CTNNA3: variants seen among roughly 807,000 people sequenced by gnomAD.
The protein encoded by CTNNA3 is catenin alpha-3.
CTNNA3 carries 76 observed loss-of-function variants against 95.7 expected under a neutral mutation model. The observed-to-expected ratio is 0.79, with a 90% CI of 0.66 to 0.96. The LOEUF is 0.96. CTNNA3 is among the 40% of genes least tolerant of loss of function. The pLI is 0.00. For synonymous variants in CTNNA3, 431 were observed against 374.4 expected, an observed-to-expected ratio of 1.15 and a Z score of -1.74; for missense variants, 1,191 against 1,089.8, an observed-to-expected ratio of 1.09 and a Z score of -1.31.
chr10:66,424,639 T>C (rs1226325037), intron 11 of CTNNA3, among the ~76,000 whole-genome samples: 2 of 152,154 alleles, frequency 1.3e-5, no homozygotes, highest in Non-Finnish European at 2.9e-5. Context: ...TGTGTTGAGA[T>C]AATGTAGTTT....
At chr10:67,272,261 G>T (rs1327875650) in intron 5 of CTNNA3, among the ~76,000 whole-genome samples, 3 of 152,084 alleles carry the variant, frequency 2.0e-5, no homozygotes, top group African/African-American at 7.2e-5. Flanking sequence ...TTTTTTAAAT[G>T]TCCATTAAGG....
chr10:65,988,237 C>T (rs2078468072), intron 16 of CTNNA3, among the ~76,000 whole-genome samples: 1 of 151,762 alleles, frequency 6.6e-6, no homozygotes, highest in Admixed American at 6.6e-5. Flanking sequence ...ATGCTCATTA[C>T]CTAATTTGAT....
At chr10:65,933,288 T>C (rs1670150) in intron 17 of CTNNA3, among the ~76,000 whole-genome samples, 23,008 of 152,168 alleles carry the variant, frequency 0.15, 2,167 homozygotes, top group South Asian at 0.23. Context: ...ATAGTAATAA[T>C]AATAGTTCAA....
At chr10:66,921,239 T>G (rs1846769836) in intron 7 of CTNNA3, among the ~76,000 whole-genome samples, 1 of 152,128 alleles carries the variant, frequency 6.6e-6, no homozygotes, top group South Asian at 2.1e-4. Flanking sequence ...CCCACTGATC[T>G]GTCATGAGGG....
intron 1 of CTNNA3, among the ~76,000 whole-genome samples, chr10:67,724,039 T>TTTTGAGTAGCCTCAAACAGG (rs1841194612): frequency 6.6e-6 from 1 of 152,100 alleles, no homozygotes; most frequent in Non-Finnish European, 1.5e-5. Context: ...CTCAAACAGT[T>TTTTGAGTAGCCTCAAACAGG]CTGAGTAGCA....
chr10:66,109,983 T>C (rs1176408898), intron 13 of CTNNA3, among the ~76,000 whole-genome samples: 4 of 152,250 alleles, frequency 2.6e-5, no homozygotes, highest in African/African-American at 9.6e-5. Context: ...TTTACAACAG[T>C]ATATATTAAC....
At chr10:67,393,086 T>G (rs572659285) in intron 5 of CTNNA3, among the ~76,000 whole-genome samples, 12 of 151,364 alleles carry the variant, frequency 7.9e-5, no homozygotes, top group Non-Finnish European at 1.3e-4. Context: ...AAAATAAAAA[T>G]AAAAAGAATG....
At chr10:67,690,100 T>C (rs1013718077) in intron 1 of CTNNA3, among the ~76,000 whole-genome samples, 3 of 152,146 alleles carry the variant, frequency 2.0e-5, no homozygotes, top group African/African-American at 7.2e-5. Context: ...CAGATGTTCA[T>C]ATGTGTCCGG....
At chr10:66,391,143 A>C (rs1436308519) in intron 11 of CTNNA3, among the ~76,000 whole-genome samples, 1 of 152,122 alleles carries the variant, frequency 6.6e-6, no homozygotes, top group Non-Finnish European at 1.5e-5. Context: ...TTGCACTGAA[A>C]GCTGCTTATT....
chr10:67,492,580 G>A (rs1315779331), intron 5 of CTNNA3, among the ~76,000 whole-genome samples: 1 of 152,184 alleles, frequency 6.6e-6, no homozygotes, highest in Non-Finnish European at 1.5e-5. Context: ...GATCAAATGT[G>A]CAAGATAATT....
chr10:66,218,896 T>A (rs969698814), intron 13 of CTNNA3, among the ~76,000 whole-genome samples: 1 of 152,126 alleles, frequency 6.6e-6, no homozygotes, highest in African/African-American at 2.4e-5. Flanking sequence ...CAGGACAGAG[T>A]CCTAATCAAG....
At chr10:67,009,044 G>A (rs1057163870) in intron 7 of CTNNA3, among the ~76,000 whole-genome samples, 15 of 151,882 alleles carry the variant, frequency 9.9e-5, no homozygotes, top group African/African-American at 3.4e-4. Flanking sequence ...ATAAACCTGT[G>A]GGAAAACTAA....
At chr10:67,746,357 T>C (rs1212455660) in intron 1 of CTNNA3, among the ~76,000 whole-genome samples, 2 of 151,534 alleles carry the variant, frequency 1.3e-5, no homozygotes, top group Admixed American at 1.3e-4. Flanking sequence ...GCTGGGACAA[T>C]GGGATAACTA....
At chr10:67,219,981 G>T (rs760977255) in intron 5 of CTNNA3, 111 bp from the exon 6 acceptor site, 22 of 830,184 alleles carry the variant, frequency 2.7e-5, no homozygotes, top group African/African-American at 3.5e-5. Context: ...TAGACATGAA[G>T]AAGTCAGCTA....
intron 1 of CTNNA3, among the ~76,000 whole-genome samples, chr10:67,654,146 G>T (rs1839954986): frequency 6.6e-6 from 1 of 152,180 alleles, no homozygotes; most frequent in African/African-American, 2.4e-5. Context: ...ACAGAGGTGA[G>T]CTCCACCTCC....
intron 7 of CTNNA3, among the ~76,000 whole-genome samples, chr10:67,094,509 C>G (rs929434410): frequency 2.0e-5 from 3 of 151,740 alleles, no homozygotes. Context: ...TGGCCATATT[C>G]TATACCTAAA....
At chr10:66,728,239 GTAAGCAGAAA>G (rs755912688) in intron 9 of CTNNA3, among the ~76,000 whole-genome samples, 39 of 152,150 alleles carry the variant, frequency 2.6e-4, no homozygotes, top group African/African-American at 8.9e-4. Flanking sequence ...TCAGGAGAAG[GTAAGCAGAAA>G]TAATGTGTGA....
At chr10:66,670,340 A>AGGTG (rs1846615284) in intron 9 of CTNNA3, among the ~76,000 whole-genome samples, 1 of 152,202 alleles carries the variant, frequency 6.6e-6, no homozygotes, top group African/African-American at 2.4e-5. Flanking sequence ...AGGTCTGAGC[A>AGGTG]AAGAAAGTAC....
intron 13 of CTNNA3, among the ~76,000 whole-genome samples, chr10:66,103,666 G>A (rs2081746967): frequency 6.6e-6 from 1 of 152,176 alleles, no homozygotes; most frequent in Non-Finnish European, 1.5e-5. Context: ...TGAAATGTCT[G>A]CAATTGGCAA....
Sources: gnomAD v4.1 joint callset for allele counts (sites outside exome capture counted in the v4.1 genomes callset) on GRCh38, gnomAD v4.1.1 for gene constraint, MANE v1.5 for transcripts, NCBI Gene and HGNC (gene_info 2026-07-23, HGNC 2026-07-21) for gene names.